CABIN1: variants seen among roughly 807,000 people sequenced by gnomAD.
The protein encoded by CABIN1 is calcineurin-binding protein cabin-1.
Under a neutral mutation model 227.7 loss-of-function variants are expected in CABIN1, and 133 were observed. The observed-to-expected ratio is 0.58, with a 90% CI of 0.51 to 0.67. The LOEUF (loss-of-function observed/expected upper bound fraction) is 0.67, where lower values mean the gene tolerates loss of function less well. Among genes scored for constraint, CABIN1 ranks in the 30% least tolerant of loss-of-function variants. The pLI is 0.00. For missense variants in CABIN1, 2,408 were observed against 2,852.5 expected (o/e 0.84, Z 3.55); for synonymous variants, 1,086 against 1,155.1 (o/e 0.94, Z 1.21).
chr22:24,140,366 C>T (rs1453118600), intron 29 of CABIN1, among the ~76,000 whole-genome samples: 2 of 152,166 alleles, frequency 1.3e-5, no homozygotes, highest in South Asian at 2.1e-4. Flanking sequence ...CCCACTGTTC[C>T]ACACACCGTC....
At chr22:24,097,903 A>AGGTGCATG in intron 25 of CABIN1, 111 bp from the exon 26 acceptor site, 3 of 1,373,674 alleles carry the variant, frequency 2.2e-6, no homozygotes, top group Non-Finnish European at 3.1e-6. Flanking sequence ...GGGCCACCAG[A>AGGTGCATG]GGTGCATGGG....
intron 34 of CABIN1, among the ~76,000 whole-genome samples, chr22:24,174,566 C>T (rs2047003013): frequency 6.6e-6 from 1 of 152,120 alleles, no homozygotes; most frequent in African/African-American, 2.4e-5. Context: ...TTGTACCAGT[C>T]CCATGCTCTC....
chr22:24,098,986 TC>T (rs1246775831), intron 26 of CABIN1, among the ~76,000 whole-genome samples: 1 of 152,120 alleles, frequency 6.6e-6, no homozygotes, highest in African/African-American at 2.4e-5. Flanking sequence ...TGCTCTGCAT[TC>T]CCCAAGGCAT....
chr22:24,104,823 T>C (rs1221883147), intron 26 of CABIN1, among the ~76,000 whole-genome samples: 1 of 152,240 alleles, frequency 6.6e-6, no homozygotes, highest in Non-Finnish European at 1.5e-5. Context: ...TTACGGTTCT[T>C]AGAAACCTGT....
At position 24,067,179 on chromosome 22, in the gene CABIN1, C is replaced by A; in HGVS notation, c.2230C>A (p.Gln744Lys). ...GAGGCCAGCCCAGCTGCTTCTTCTGCAGGTGTGTGCTGCCAGTGTCCCTCA... is the reference window on the plus strand; with the variant it reads ...GAGGCCAGCCCAGCTGCTTCTTCTGAAGGTGTGTGCTGCCAGTGTCCCTCA... ...PERPAQLLLL[Q>K]DSLLRLKDYR... The change falls in exon 16 of 37, where the codon CAG becomes AAG. Residue 744 changes from glutamine (Q) to lysine (K), a missense_variant and splice_region_variant. By Grantham distance (53) the Gln-to-Lys change is moderately conservative (BLOSUM62 1). Transcript: ENST00000263119. 6.2e-7 allele frequency: 1 copy of A among 1,614,252 alleles called. No individual in the cohort carries two copies. Among genetic ancestry groups the A allele is most frequent in the African/African-American group, 1.3e-5 (1 of 75,076 alleles).
At chr22:24,164,628 G>A in intron 30 of CABIN1, 65 bp downstream of exon 30, 1 of 1,553,812 alleles carries the variant, frequency 6.4e-7, no homozygotes, top group East Asian at 2.3e-5. Flanking sequence ...CACACCCCAG[G>A]AAGCCTCTCC....
At position 24,178,482 on chromosome 22, in the gene CABIN1, T is replaced by C. The variant is rs903585554; in HGVS notation, c.*286T>C. 1.5e-5 allele frequency: 7 copies of C among 464,602 alleles called. No homozygotes were observed. Among genetic ancestry groups the C allele is most frequent in the Non-Finnish European group, 2.8e-5 (7 of 250,702 alleles). 28.8% of individuals were successfully genotyped at this position (464,602 alleles called of 1,614,324 possible). A position where few individuals can be genotyped will look rare whatever the true frequency, so the allele number is the denominator to read the frequency against. On this transcript the variant is annotated 3_prime_UTR_variant, in exon 37 of 37. Coordinates refer to ENST00000263119, the MANE Select transcript of CABIN1 (RefSeq NM_012295.4). ...CCTTTTCTATGAAGTGTTGACTTTG[T>C]AAATCTGCCCACACCCAGCTGGCCA...
intron 29 of CABIN1, among the ~76,000 whole-genome samples, chr22:24,140,539 T>C (rs2044692587): frequency 6.6e-6 from 1 of 152,232 alleles, no homozygotes; most frequent in African/African-American, 2.4e-5. Flanking sequence ...CAAGCCTGCA[T>C]GGGCCAGAGC....
chr22:24,170,934 G>C (rs1329341787), intron 33 of CABIN1, among the ~76,000 whole-genome samples: 1 of 152,178 alleles, frequency 6.6e-6, no homozygotes, highest in Non-Finnish European at 1.5e-5. Flanking sequence ...GTGAGAGGCT[G>C]CCTCAGGGCT....
chr22:24,060,418 C>T (rs1476353806), intron 12 of CABIN1, among the ~76,000 whole-genome samples: 1 of 151,954 alleles, frequency 6.6e-6, no homozygotes, highest in Admixed American at 6.6e-5. Context: ...GGCTGAGATC[C>T]AGTGGTAATA....
intron 10 of CABIN1, among the ~76,000 whole-genome samples, chr22:24,058,779 C>G (rs1003369658): frequency 4.6e-5 from 7 of 152,248 alleles, no homozygotes; most frequent in Non-Finnish European, 8.8e-5. Context: ...TATCCCCTCT[C>G]AAAGGCTTTC....
Position 24,064,018 on chromosome 22 carries a change from GT to G in CABIN1, c.1885-13del, listed in dbSNP as rs1245417521. 1 of 1,614,064 alleles carries G rather than the reference GT, an allele frequency of 6.2e-7. No individual in the cohort carries two copies. ...GTCTTCTGCTTTGGTTCCCTGACCT[GT>G]TTTCCGTCTAACCAGGGAGACATGG... On this transcript the variant is annotated splice_polypyrimidine_tract_variant and intron_variant, in intron 14 of 36. Transcript: ENST00000263119.
At chr22:24,040,709 G>T (rs1483008210) in intron 4 of CABIN1, among the ~76,000 whole-genome samples, 1 of 152,218 alleles carries the variant, frequency 6.6e-6, no homozygotes, top group Non-Finnish European at 1.5e-5. Context: ...TGGGAGCTCA[G>T]TCTCTTGATT....
chr22:24,099,810 G>A (rs2042102921), intron 26 of CABIN1, among the ~76,000 whole-genome samples: 2 of 152,210 alleles, frequency 1.3e-5, no homozygotes, highest in Non-Finnish European at 2.9e-5. Context: ...CCCAAGCACT[G>A]TCCTCTGCAG....
At chr22:24,135,157 A>C (rs985078979) in intron 29 of CABIN1, among the ~76,000 whole-genome samples, 5 of 144,570 alleles carry the variant, frequency 3.5e-5, no homozygotes, top group African/African-American at 1.3e-4. Context: ...TTGGGAGGCC[A>C]AGGCGGGCAG....
chr22:24,175,336 TGCTGACCAAGGAGGGGA>T (rs1193727394), intron 34 of CABIN1, among the ~76,000 whole-genome samples: 1 of 152,178 alleles, frequency 6.6e-6, no homozygotes, highest in African/African-American at 2.4e-5. Flanking sequence ...CTGTCACTCC[TGCTGACCAAGGAGGGGA>T]GCTGGCTCCC....
At chr22:24,069,184 TGTTGA>T (rs2039911159) in intron 16 of CABIN1, among the ~76,000 whole-genome samples, 1 of 152,364 alleles carries the variant, frequency 6.6e-6, no homozygotes, top group East Asian at 1.9e-4. Context: ...GTTTGTGTCT[TGTTGA>T]GTTGATTCTT....
chr22:24,168,606 C>A, intron 33 of CABIN1, 85 bp downstream of exon 33: 5 of 1,102,758 alleles, frequency 4.5e-6, no homozygotes, highest in Non-Finnish European at 6.8e-6. Context: ...AGAAGCAGAT[C>A]CACTCTTGGG....
intron 16 of CABIN1, among the ~76,000 whole-genome samples, chr22:24,069,343 A>C (rs1490904641): frequency 6.6e-6 from 1 of 151,768 alleles, no homozygotes; most frequent in African/African-American, 2.4e-5. Context: ...AGTTCCCATT[A>C]TTTCTTGTTT....
Sources: gnomAD v4.1 joint callset for allele counts (sites outside exome capture counted in the v4.1 genomes callset) on GRCh38, gnomAD v4.1.1 for gene constraint, MANE v1.5 for transcripts, NCBI Gene and HGNC (gene_info 2026-07-23, HGNC 2026-07-21) for gene names.